UBN2: variants seen among roughly 807,000 people sequenced by gnomAD.
The protein encoded by UBN2 is ubinuclein 2.
A neutral mutation model predicts 120.2 loss-of-function variants in UBN2; 35 were observed. The ratio of observed to expected loss-of-function variants is 0.29; its 90% confidence interval spans 0.22 to 0.39. The LOEUF (loss-of-function observed/expected upper bound fraction) is 0.39. UBN2 is among the 10% of genes least tolerant of loss of function. The pLI is 1.00. For synonymous variants in UBN2, 661 were observed against 648.7 expected (o/e 1.02, Z -0.29); for missense variants, 1,693 against 1,663.2 (o/e 1.02, Z -0.31).
chr7:139,232,262 C>T (rs958871196), intron 1 of UBN2, among the ~76,000 whole-genome samples: 1 of 152,246 alleles, frequency 6.6e-6, no homozygotes, highest in African/African-American at 2.4e-5. Flanking sequence ...CCTTTCTGCT[C>T]CCCACACAAA....
At chr7:139,319,904 G>A in the UBN2 span, among the ~76,000 whole-genome samples, 6 of 151,876 alleles carry the variant, frequency 4.0e-5, no homozygotes, top group Admixed American at 1.3e-4. Flanking sequence ...GTGAAACCCC[G>A]TCTCTACTAA....
At position 139,304,349 on chromosome 7, in the gene UBN2, A is replaced by ATG. The variant is rs1220119522; in HGVS notation, c.*6515_*6516dup. ...GGGGAAGGTCAGGGTAGAAGGAAAC[A>ATG]TGTTTTCCCCAGCTCCCAGGAGGAG... On this transcript the variant is annotated 3_prime_UTR_variant, in exon 18 of 18. Transcript: ENST00000473989. 1 of 152,054 alleles carries ATG rather than the reference A, an allele frequency of 6.6e-6. No homozygotes were observed. The highest frequency in any genetic ancestry group is 1.5e-5 in the Non-Finnish European group (1 of 68,020). 9.4% of individuals were successfully genotyped at this position (152,054 alleles called of 1,614,324 possible).
In UBN2 at chr7:139,300,413, T is replaced by G. The variant is rs1798225961; in HGVS notation, c.*2577T>G. ...AGTAATCTATTTCTTTCCTAGATCA[T>G]AACATTGAAAAAGGTGCCCATACTT... On this transcript the variant is annotated 3_prime_UTR_variant, in exon 18 of 18. Coordinates refer to ENST00000473989, the MANE Select transcript of UBN2 (RefSeq NM_173569.4). 6.6e-6 allele frequency: 1 copy of G among 152,258 alleles called. No homozygotes were observed. Among genetic ancestry groups the G allele is most frequent in the South Asian group, 2.1e-4 (1 of 4,832 alleles). 9.4% of individuals were successfully genotyped at this position (152,258 alleles called of 1,614,324 possible). A position where few individuals can be genotyped will look rare whatever the true frequency, so the allele number is the denominator to read the frequency against.
intron 6 of UBN2, among the ~76,000 whole-genome samples, chr7:139,264,326 A>G (rs1034177569): frequency 1.3e-5 from 2 of 152,108 alleles, no homozygotes; most frequent in Admixed American, 1.3e-4. Flanking sequence ...CCCAAAATAT[A>G]CTGCCTCCAG....
chr7:139,251,456 C>T (rs1404688331), intron 2 of UBN2, among the ~76,000 whole-genome samples: 2 of 152,192 alleles, frequency 1.3e-5, no homozygotes, highest in Admixed American at 6.5e-5. Flanking sequence ...TAAACTTAGT[C>T]ATTATTTCTC....
At position 139,283,610 on chromosome 7, in the gene UBN2, A is replaced by C; in HGVS notation, c.2705A>C (p.Gln902Pro). 2 of 1,614,124 alleles carry C rather than the reference A, an allele frequency of 1.2e-6. No homozygotes were observed. The highest frequency in any genetic ancestry group is 2.2e-5 in the South Asian group (2 of 91,080). The change falls in exon 15 of 18, where the codon CAA becomes CCA. Residue 902 changes from glutamine to proline, a missense_variant. Around this residue, in one of 5 missense-constraint regions of UBN2, gnomAD observed 837 missense variants for 817.6 expected, o/e 1.02. Coordinates refer to ENST00000473989, the MANE Select transcript of UBN2 (RefSeq NM_173569.4). ...SSQTHVSSSS[Q>P]AQIAASSHAL... ...CAGACCCATGTCTCCTCTTCTTCCCAAGCCCAAATTGCTGCCTCTTCTCAT... is the reference window on the plus strand; with the variant it reads ...CAGACCCATGTCTCCTCTTCTTCCCCAGCCCAAATTGCTGCCTCTTCTCAT...
intron 15 of UBN2, among the ~76,000 whole-genome samples, chr7:139,290,178 C>T (rs1367672195): frequency 6.6e-6 from 1 of 152,188 alleles, no homozygotes; most frequent in African/African-American, 2.4e-5. Flanking sequence ...TCATGATCCG[C>T]CCACCTTGGC....
chr7:139,285,638 A>G (rs1465349614), intron 15 of UBN2, among the ~76,000 whole-genome samples: 1 of 152,028 alleles, frequency 6.6e-6, no homozygotes, highest in Non-Finnish European at 1.5e-5. Context: ...CCATCTCAGA[A>G]CTGGTTATTT....
chr7:139,247,660 G>A (rs888872185), intron 2 of UBN2, among the ~76,000 whole-genome samples: 13 of 152,148 alleles, frequency 8.5e-5, no homozygotes, highest in African/African-American at 3.1e-4. Flanking sequence ...TCAGTGAATG[G>A]TAGCTTGGTA....
intron 3 of UBN2, among the ~76,000 whole-genome samples, chr7:139,253,992 T>A (rs1796689747): frequency 6.6e-6 from 1 of 152,186 alleles, no homozygotes; most frequent in Non-Finnish European, 1.5e-5. Context: ...GTCAAACTCC[T>A]AAGTTAATTC....
At chr7:139,316,104 AAAAGGG>A in the UBN2 span, among the ~76,000 whole-genome samples, 2 of 136,974 alleles carry the variant, frequency 1.5e-5, no homozygotes, top group Non-Finnish European at 3.1e-5. Flanking sequence ...AAAAAAAAAA[AAAAGGG>A]GTTCCAGTTC....
chr7:139,252,521 G>T (rs941780014), intron 3 of UBN2, among the ~76,000 whole-genome samples: 4 of 151,994 alleles, frequency 2.6e-5, no homozygotes, highest in Non-Finnish European at 5.9e-5. Context: ...AATTTCTTTT[G>T]ATTTTTTTTC....
chr7:139,310,705 A>G (rs1409740518), downstream of UBN2, among the ~76,000 whole-genome samples: 1 of 152,196 alleles, frequency 6.6e-6, no homozygotes, highest in Non-Finnish European at 1.5e-5. Context: ...CCTAGGAGGC[A>G]GAGGTTGCAG....
the UBN2 span, among the ~76,000 whole-genome samples, chr7:139,329,186 A>ATT: frequency 2.2e-5 from 3 of 134,792 alleles, no homozygotes; most frequent in African/African-American, 5.4e-5. Context: ...TGAGCAAAAG[A>ATT]TTTTTTTTTT....
At position 139,282,047 on chromosome 7, in the gene UBN2, A is replaced by G. The variant is rs558669662; in HGVS notation, c.2110A>G (p.Met704Val). 8.7e-6 allele frequency: 14 copies of G among 1,613,408 alleles called. No individual in the cohort carries two copies. The South Asian group carries it at 9.9e-5, about 11-fold the overall frequency. ...CCTTCCTCTCCATTCTTTCCCCACT[A>G]TGCTTAAGGTAAGTGCTATGGTTGT... ...KTLPLHSFPTMLKECSPKKDQ... is the reference protein window; with the variant it reads ...KTLPLHSFPTVLKECSPKKDQ... Residue 704 changes from methionine to valine, a missense_variant, in exon 14 of 18, where the codon ATG (methionine) becomes GTG (valine). Around this residue, in one of 5 missense-constraint regions of UBN2, gnomAD observed 837 missense variants for 817.6 expected, o/e 1.02. Transcript: ENST00000473989.
chr7:139,285,135 T>A (rs1026510772), intron 15 of UBN2, among the ~76,000 whole-genome samples: 3 of 152,202 alleles, frequency 2.0e-5, no homozygotes, highest in Non-Finnish European at 4.4e-5. Flanking sequence ...CGCCCTTTTA[T>A]ACCACAGTTT....
chr7:139,284,437 C>A lies in UBN2; in HGVS notation c.3532C>A (p.Leu1178Ile). The change falls in exon 15 of 18, where the codon CTT becomes ATT. Residue 1178 changes from leucine (L) to isoleucine (I), a missense_variant. Transcript: ENST00000473989. ...TGTACCTGCCAGCAGAGGTAGCAACCTTAACTCAAGCGGAGCTAATAGGAC... is the reference window on the plus strand; with the variant it reads ...TGTACCTGCCAGCAGAGGTAGCAACATTAACTCAAGCGGAGCTAATAGGAC... Reference protein sequence around the residue: ...MNVPASRGSNLNSSGANRTSL... With the variant: ...MNVPASRGSNINSSGANRTSL... 6.2e-7 allele frequency: 1 copy of A among 1,614,190 alleles called. No individual in the cohort carries two copies. The highest frequency in any genetic ancestry group is 1.1e-5 in the South Asian group (1 of 91,088).
At chr7:139,284,795 A>AAG (rs1269351216) in intron 15 of UBN2, among the ~76,000 whole-genome samples, 2 of 152,068 alleles carry the variant, frequency 1.3e-5, no homozygotes, top group African/African-American at 4.8e-5. Context: ...TTAAGTAACA[A>AAG]AGGTGCACCA....
chr7:139,328,180 A>C, the UBN2 span, among the ~76,000 whole-genome samples: 2 of 152,238 alleles, frequency 1.3e-5, no homozygotes, highest in African/African-American at 4.8e-5. Flanking sequence ...ATAGAGCTTT[A>C]ATTGATTCAC....
Sources: allele counts gnomAD v4.1 joint callset (sites outside exome capture counted in the v4.1 genomes callset), GRCh38; gene constraint gnomAD v4.1.1; regional missense constraint gnomAD v4.1.1; transcripts MANE v1.5; gene names NCBI Gene and HGNC (gene_info 2026-07-23, HGNC 2026-07-21).